The following PCNX2 variants were observed in gnomAD, a reference collection of about 807,000 sequenced individuals.
PCNX2 encodes pecanex-like protein 2.
In PCNX2, 168 loss-of-function variants were observed where a neutral mutation model predicts 223.8. The ratio of observed to expected loss-of-function variants is 0.75; its 90% CI spans 0.66 to 0.85. The LOEUF (loss-of-function observed/expected upper bound fraction) is 0.85. PCNX2 is among the 40% of genes least tolerant of loss of function. The pLI is 0.00. For synonymous variants in PCNX2, 1,006 were observed against 1,052.6 expected, an observed-to-expected ratio of 0.96 and a Z score of 0.86; for missense variants, 2,507 against 2,675.5, an observed-to-expected ratio of 0.94 and a Z score of 1.39.
At chr1:233,119,608 A>C (rs1675648823) in intron 21 of PCNX2, among the ~76,000 whole-genome samples, 1 of 150,882 alleles carries the variant, frequency 6.6e-6, no homozygotes, top group African/African-American at 2.4e-5. Flanking sequence ...CAAAAACAAA[A>C]ACAAAACAAA....
chr1:233,060,573 G>A (rs982816392), intron 23 of PCNX2, among the ~76,000 whole-genome samples: 2 of 152,160 alleles, frequency 1.3e-5, no homozygotes, highest in African/African-American at 4.8e-5. Flanking sequence ...GTTTTCTCCA[G>A]TGCTTTCCTC....
intron 28 of PCNX2, among the ~76,000 whole-genome samples, chr1:233,009,577 T>C (rs732169): frequency 0.27 from 40,519 of 152,152 alleles, 5,956 homozygotes; most frequent in East Asian, 0.49. Flanking sequence ...ATCAAGCGGA[T>C]CAACTACTAT....
At position 233,295,570 on chromosome 1, in the gene PCNX2, C is replaced by G; in HGVS notation, c.-92G>C. 1 of 1,252,036 alleles carries G rather than the reference C, an allele frequency of 8.0e-7. No homozygotes were observed. Among genetic ancestry groups the G allele is most frequent in the Non-Finnish European group, 1.0e-6 (1 of 989,780 alleles). 77.6% of individuals were successfully genotyped at this position (1,252,036 alleles called of 1,614,324 possible). A position where few individuals can be genotyped will look rare whatever the true frequency, so the allele number is the denominator to read the frequency against. On this transcript the variant is annotated 5_prime_UTR_variant, in exon 1 of 34. Coordinates refer to ENST00000258229, the MANE Select transcript of PCNX2 (RefSeq NM_014801.4). The surrounding 1 kb of genome is among the most constrained non-coding windows in gnomAD (Gnocchi z 4.1). ...CTCCCTCAGGTCTAACACCCGGGCC[C>G]GCGGGCCGCGCCCCCGCCGTCGCCG... is the stretch of plus-strand genomic sequence containing the variant.
intron 26 of PCNX2, among the ~76,000 whole-genome samples, 179 bp downstream of exon 26, chr1:233,024,967 A>G (rs2102833034): frequency 6.6e-6 from 1 of 152,348 alleles, no homozygotes; most frequent in Non-Finnish European, 1.5e-5. Flanking sequence ...CACAAATCTC[A>G]GGTTAAATCA....
chr1:232,990,004 G>A lies in PCNX2; in HGVS notation c.5792-3464C>T, dbSNP rs372717776. 2.3e-4 allele frequency among the ~76,000 whole-genome samples: 35 copies of A among 152,220 alleles called. No individual in the cohort carries two copies. The highest frequency in any genetic ancestry group is 7.0e-4 in the African/African-American group (29 of 41,468). On this transcript the variant is annotated intron_variant, in intron 32 of 33. Transcript: ENST00000258229. This position sits in a 1 kb window ranked among gnomAD's most constrained non-coding sequence, Gnocchi z 4.3. ...AATGTTCTCCCCATAGCTGGAGACT[G>A]GCCTCTAACGCCCCTGCACTGGCCA...
At chr1:233,021,260 G>A (rs972798111) in intron 26 of PCNX2, among the ~76,000 whole-genome samples, 1 of 152,156 alleles carries the variant, frequency 6.6e-6, no homozygotes, top group African/African-American at 2.4e-5. Flanking sequence ...GTGTTTTTGG[G>A]CATCTGCCCA....
intron 17 of PCNX2, among the ~76,000 whole-genome samples, chr1:233,163,511 C>T (rs1678619281): frequency 1.3e-5 from 2 of 151,514 alleles, no homozygotes; most frequent in Admixed American, 6.6e-5. Context: ...TACAACTTAA[C>T]AAGTTTATAT....
chr1:233,311,379 C>T, the PCNX2 span, among the ~76,000 whole-genome samples: 5 of 152,324 alleles, frequency 3.3e-5, no homozygotes, highest in African/African-American at 9.6e-5. Context: ...AACTCACCTT[C>T]GGGAATTTGG....
intron 8 of PCNX2, among the ~76,000 whole-genome samples, chr1:233,240,704 A>G (rs1394203998): frequency 1.3e-5 from 2 of 152,320 alleles, no homozygotes; most frequent in South Asian, 2.1e-4. Flanking sequence ...AAGTGCTGCC[A>G]CTAGAAGGTA....
intron 32 of PCNX2, among the ~76,000 whole-genome samples, chr1:232,996,292 C>G (rs1314488279): frequency 2.0e-5 from 3 of 152,222 alleles, no homozygotes; most frequent in Non-Finnish European, 2.9e-5. Flanking sequence ...TTCTCCAGTC[C>G]ACACAAGTCA....
chr1:233,304,615 A>G, the PCNX2 span, among the ~76,000 whole-genome samples: 1 of 152,246 alleles, frequency 6.6e-6, no homozygotes, highest in Non-Finnish European at 1.5e-5. Flanking sequence ...AGGGAGGGAA[A>G]GGAAGGAAGG....
chr1:233,270,926 T>G (rs1319224497), intron 1 of PCNX2, among the ~76,000 whole-genome samples: 1 of 152,244 alleles, frequency 6.6e-6, no homozygotes, highest in African/African-American at 2.4e-5. Flanking sequence ...GTAGACTTAC[T>G]CACTTTGAAA....
chr1:233,078,016 G>T (rs1453131519), intron 23 of PCNX2, among the ~76,000 whole-genome samples: 1 of 152,180 alleles, frequency 6.6e-6, no homozygotes, highest in Non-Finnish European at 1.5e-5. Flanking sequence ...AGAGCACTGT[G>T]TACCAAGAAG....
At chr1:233,048,807 C>A (rs577665528) in intron 25 of PCNX2, among the ~76,000 whole-genome samples, 1 of 152,102 alleles carries the variant, frequency 6.6e-6, no homozygotes, top group South Asian at 2.1e-4. Flanking sequence ...CACAATCAAT[C>A]AAAAATGACA....
At chr1:233,057,037 A>T (rs1055495211) in intron 24 of PCNX2, among the ~76,000 whole-genome samples, 195 bp downstream of exon 24, 7 of 152,188 alleles carry the variant, frequency 4.6e-5, no homozygotes, top group African/African-American at 1.2e-4. Context: ...AATTCTAAAT[A>T]GCGGAGCAAT....
At chr1:233,005,348 C>T (rs1311027628) in intron 28 of PCNX2, among the ~76,000 whole-genome samples, 2 of 152,182 alleles carry the variant, frequency 1.3e-5, no homozygotes, top group African/African-American at 4.8e-5. Flanking sequence ...CAGGCATCAG[C>T]CTAGTGTTTG....
intron 30 of PCNX2, among the ~76,000 whole-genome samples, chr1:232,999,836 A>G (rs1670017867): frequency 6.6e-6 from 1 of 152,188 alleles, no homozygotes; most frequent in Non-Finnish European, 1.5e-5. Flanking sequence ...GACGGATATG[A>G]TGCCATCTTC....
intron 24 of PCNX2, among the ~76,000 whole-genome samples, chr1:233,055,913 G>C (rs1393600589): frequency 6.6e-6 from 1 of 152,106 alleles, no homozygotes; most frequent in East Asian, 1.9e-4. Flanking sequence ...CCCCAAGTGC[G>C]CTTACATAAG....
intron 23 of PCNX2, among the ~76,000 whole-genome samples, chr1:233,062,781 T>C (rs1286268268): frequency 6.6e-6 from 1 of 152,182 alleles, no homozygotes; most frequent in Non-Finnish European, 1.5e-5. Context: ...TTTAAACACA[T>C]TACACTATAG....
Sources: gnomAD v4.1 joint callset for allele counts (sites outside exome capture counted in the v4.1 genomes callset) on GRCh38, gnomAD v4.1.1 for gene constraint, Gnocchi (gnomAD v3.1) non-coding constraint, MANE v1.5 for transcripts, NCBI Gene and HGNC (gene_info 2026-07-23, HGNC 2026-07-21) for gene names.